The following PAPPA2 variants were observed in gnomAD, a reference collection of about 807,000 sequenced individuals.
PAPPA2 encodes the protein pappalysin 2, also known as pappalysin-2.
A neutral mutation model predicts 176.4 loss-of-function variants in PAPPA2; 86 were observed. That is an observed-to-expected ratio of 0.49 (90% confidence interval 0.41 to 0.58). The LOEUF (loss-of-function observed/expected upper bound fraction) is 0.58, where lower values mean the gene tolerates loss of function less well. Among genes scored for constraint, PAPPA2 ranks in the 20% least tolerant of loss-of-function variants. The pLI, the probability that PAPPA2 is intolerant of heterozygous loss-of-function variation, is 0.00. For missense variants in PAPPA2, 2,073 were observed against 2,256.9 expected (o/e 0.92, Z 1.65); for synonymous variants, 809 against 852.2 (o/e 0.95, Z 0.88).
chr1:176,573,369 A>G (rs1329819979), intron 2 of PAPPA2, among the ~76,000 whole-genome samples: 1 of 152,200 alleles, frequency 6.6e-6, no homozygotes, highest in Non-Finnish European at 1.5e-5. Flanking sequence ...AGCCTCTGAC[A>G]TCTCACATTC....
At chr1:176,803,900 T>C (rs1212657880) in intron 21 of PAPPA2, among the ~76,000 whole-genome samples, 1 of 152,158 alleles carries the variant, frequency 6.6e-6, no homozygotes, top group African/African-American at 2.4e-5. Context: ...TTTTCCAACA[T>C]AGTTTTCTAA....
Position 176,573,904 on chromosome 1 carries a change from T to C in PAPPA2, c.919+16663T>C, listed in dbSNP as rs540852359. ...GTCAAGTCAGTAACTGTTCTCGTTG[T>C]GGAGAGTGACTGGTGTATGTATGTG... On this transcript the variant is annotated intron_variant, in intron 2 of 22. Transcript: ENST00000367662. Among the ~76,000 whole-genome samples, 177 of 152,056 alleles carry C rather than the reference T, an allele frequency of 1.2e-3. 5 individuals carry two copies. In the South Asian group the frequency reaches 0.036, roughly 31 times the overall value.
At chr1:176,523,628 T>A (rs975610208) in intron 1 of PAPPA2, among the ~76,000 whole-genome samples, 11 of 152,262 alleles carry the variant, frequency 7.2e-5, no homozygotes, top group Non-Finnish European at 1.6e-4. Flanking sequence ...GGAAATTCAT[T>A]TATTCATTCA....
At chr1:176,538,001 C>T (rs1474851427) in intron 1 of PAPPA2, among the ~76,000 whole-genome samples, 1 of 152,122 alleles carries the variant, frequency 6.6e-6, no homozygotes, top group Non-Finnish European at 1.5e-5. Flanking sequence ...CTTTCTCTCT[C>T]TCCCTCTCTC....
intron 3 of PAPPA2, among the ~76,000 whole-genome samples, chr1:176,617,708 T>C (rs944584538): frequency 1.8e-4 from 28 of 152,124 alleles, no homozygotes; most frequent in African/African-American, 6.3e-4. Flanking sequence ...ACATTTAGGC[T>C]GGTTCCATAT....
At chr1:176,608,917 G>A (rs1654761327) in intron 3 of PAPPA2, among the ~76,000 whole-genome samples, 1 of 152,162 alleles carries the variant, frequency 6.6e-6, no homozygotes, top group African/African-American at 2.4e-5. Context: ...TGTTTTCAGT[G>A]GAGGGATGAT....
chr1:176,530,806 T>A (rs1283710949), intron 1 of PAPPA2, among the ~76,000 whole-genome samples: 1 of 152,250 alleles, frequency 6.6e-6, no homozygotes, highest in Non-Finnish European at 1.5e-5. Context: ...ATACATTTCA[T>A]GGAGTTCCCT....
chr1:176,713,732 C>G (rs1328469813), intron 12 of PAPPA2, among the ~76,000 whole-genome samples: 1 of 152,058 alleles, frequency 6.6e-6, no homozygotes, highest in Non-Finnish European at 1.5e-5. Flanking sequence ...TTATAAGGAC[C>G]AGATTTTGAG....
intron 3 of PAPPA2, among the ~76,000 whole-genome samples, chr1:176,602,616 C>T (rs1654391012): frequency 6.6e-6 from 1 of 151,868 alleles, no homozygotes; most frequent in Non-Finnish European, 1.5e-5. Context: ...TTCAAAGTTC[C>T]CTGAAGCCAA....
intron 4 of PAPPA2, among the ~76,000 whole-genome samples, chr1:176,679,723 C>T (rs1659487856): frequency 6.6e-6 from 1 of 152,040 alleles, no homozygotes; most frequent in Non-Finnish European, 1.5e-5. Context: ...GAGATAATAT[C>T]AGGAAATGAA....
At chr1:176,475,295 T>C (rs774534307) in intron 1 of PAPPA2, among the ~76,000 whole-genome samples, 11 of 152,196 alleles carry the variant, frequency 7.2e-5, no homozygotes, top group Non-Finnish European at 1.5e-4. Flanking sequence ...TGATTACATA[T>C]GTGTGTGTAT....
At chr1:176,475,508 G>C (rs895351719) in intron 1 of PAPPA2, among the ~76,000 whole-genome samples, 1 of 152,148 alleles carries the variant, frequency 6.6e-6, no homozygotes, top group Non-Finnish European at 1.5e-5. Flanking sequence ...AACCATATGT[G>C]CTTTCACTTT....
chr1:176,739,070 A>C (rs778402502), intron 12 of PAPPA2, among the ~76,000 whole-genome samples: 16 of 152,110 alleles, frequency 1.1e-4, no homozygotes, highest in Non-Finnish European at 1.9e-4. Context: ...CTAATTTCAG[A>C]AGCAAGAGAC....
intron 1 of PAPPA2, among the ~76,000 whole-genome samples, chr1:176,551,151 A>C (rs1650926122): frequency 6.6e-6 from 1 of 152,210 alleles, no homozygotes; most frequent in Non-Finnish European, 1.5e-5. Flanking sequence ...CGAAAGATAG[A>C]GCCCGACTCC....
At chr1:176,493,916 T>A (rs1005314693) in intron 1 of PAPPA2, among the ~76,000 whole-genome samples, 3 of 152,224 alleles carry the variant, frequency 2.0e-5, no homozygotes, top group Non-Finnish European at 2.9e-5. Context: ...GTTAGAGAAT[T>A]TTTTTGGATT....
chr1:176,814,393 ATATTGATTCTTCCCATC>A (rs140709807), intron 21 of PAPPA2, among the ~76,000 whole-genome samples: 4 of 152,252 alleles, frequency 2.6e-5, no homozygotes, highest in Non-Finnish European at 5.9e-5. Flanking sequence ...CATTTTCACG[ATATTGATTCTTCCCATC>A]CATGAGCATG....
chr1:176,539,700 A>G (rs1395524354), intron 1 of PAPPA2, among the ~76,000 whole-genome samples: 2 of 152,028 alleles, frequency 1.3e-5, no homozygotes, highest in Non-Finnish European at 2.9e-5. Flanking sequence ...GGGTGCTGCT[A>G]CCCCAATAAA....
At chr1:176,756,356 G>T (rs1355249572) in intron 14 of PAPPA2, among the ~76,000 whole-genome samples, 2 of 152,182 alleles carry the variant, frequency 1.3e-5, no homozygotes, top group Admixed American at 6.6e-5. Context: ...AGGAGGGGCT[G>T]GTTCTGCTGT....
chr1:176,708,812 G>A (rs1259701262), intron 10 of PAPPA2, among the ~76,000 whole-genome samples: 3 of 152,098 alleles, frequency 2.0e-5, no homozygotes, highest in Non-Finnish European at 2.9e-5. Flanking sequence ...TGGTATTGCT[G>A]TGAAGAATTG....
Sources: allele counts gnomAD v4.1 joint callset (sites outside exome capture counted in the v4.1 genomes callset), GRCh38; gene constraint gnomAD v4.1.1; transcripts MANE v1.5; gene names NCBI Gene and HGNC (gene_info 2026-07-23, HGNC 2026-07-21).